The following THSD7A variants were observed in gnomAD, a reference collection of about 807,000 sequenced individuals.
The protein encoded by THSD7A is thrombospondin type 1 domain containing 7A, also known as thrombospondin type-1 domain-containing protein 7A.
A neutral mutation model predicts 231.3 loss-of-function variants in THSD7A; 96 were observed. That is an observed-to-expected ratio of 0.41 (90% confidence interval 0.35 to 0.49). THSD7A has a LOEUF of 0.49. THSD7A is among the 20% of genes least tolerant of loss of function. The probability of loss-of-function intolerance (pLI) is 0.05; values close to 1 mark genes in which losing one functional copy is unlikely to be tolerated. For synonymous variants in THSD7A, 940 were observed against 743.3 expected (o/e 1.26, Z -4.30); for missense variants, 2,290 against 2,070.2 (o/e 1.11, Z -2.06).
chr7:11,825,545 C>G (rs144448546), intron 1 of THSD7A, among the ~76,000 whole-genome samples: 22 of 152,198 alleles, frequency 1.4e-4, no homozygotes, highest in Admixed American at 1.1e-3. Context: ...AGGTCATAAA[C>G]TTAAATAGTT....
At chr7:11,558,260 G>C (rs1467389065) in intron 4 of THSD7A, among the ~76,000 whole-genome samples, 3 of 151,950 alleles carry the variant, frequency 2.0e-5, no homozygotes, top group Admixed American at 2.0e-4. Flanking sequence ...CAACTTCCAG[G>C]GAATATTTTT....
intron 6 of THSD7A, among the ~76,000 whole-genome samples, chr7:11,503,580 A>G (rs890531448): frequency 2.0e-5 from 3 of 151,836 alleles, no homozygotes; most frequent in Non-Finnish European, 4.4e-5. Context: ...TCTAAAATCC[A>G]GCATCTATAA....
At chr7:11,639,993 G>C (rs545259778) in intron 1 of THSD7A, among the ~76,000 whole-genome samples, 2 of 152,162 alleles carry the variant, frequency 1.3e-5, no homozygotes, top group Admixed American at 6.5e-5. Context: ...AAAAGTAGAA[G>C]ATGGTTGCTT....
At chr7:11,551,378 G>A (rs1789619975) in intron 4 of THSD7A, among the ~76,000 whole-genome samples, 1 of 152,054 alleles carries the variant, frequency 6.6e-6, no homozygotes, top group Admixed American at 6.6e-5. Flanking sequence ...CTTCTGCACA[G>A]CAAAAGAAAC....
chr7:11,592,590 A>G (rs916327972), intron 3 of THSD7A, among the ~76,000 whole-genome samples: 8 of 152,240 alleles, frequency 5.3e-5, no homozygotes, highest in Non-Finnish European at 8.8e-5. Context: ...CATATTTTGT[A>G]CCAGGTATTG....
chr7:11,680,950 C>G (rs1374864009), intron 1 of THSD7A, among the ~76,000 whole-genome samples: 1 of 152,036 alleles, frequency 6.6e-6, no homozygotes. Flanking sequence ...TGGAACGAAC[C>G]CAAATGCCCA....
intron 1 of THSD7A, among the ~76,000 whole-genome samples, chr7:11,697,800 A>G (rs1201565584): frequency 1.1e-4 from 17 of 151,426 alleles, no homozygotes; most frequent in Admixed American, 1.1e-3. Flanking sequence ...GAACCTGTCC[A>G]TACTGAATGT....
intron 4 of THSD7A, among the ~76,000 whole-genome samples, chr7:11,587,260 T>C (rs929927221): frequency 2.6e-5 from 4 of 152,170 alleles, no homozygotes; most frequent in African/African-American, 9.7e-5. Context: ...TAAGGGTAGA[T>C]TTCACGCCAG....
chr7:11,598,438 C>CG (rs1780442733), intron 2 of THSD7A, among the ~76,000 whole-genome samples: 1 of 152,160 alleles, frequency 6.6e-6, no homozygotes. Context: ...CCTGTCATCG[C>CG]CCAGTGGGCC....
chr7:11,674,314 T>C (rs2128379937), intron 1 of THSD7A, among the ~76,000 whole-genome samples: 1 of 152,036 alleles, frequency 6.6e-6, no homozygotes, highest in South Asian at 2.1e-4. Context: ...CTAGTTGGGG[T>C]AAGTAAGCTG....
At chr7:11,643,248 G>T (rs920940396) in intron 1 of THSD7A, among the ~76,000 whole-genome samples, 4 of 151,986 alleles carry the variant, frequency 2.6e-5, no homozygotes, top group African/African-American at 7.2e-5. Flanking sequence ...TACATAAACA[G>T]CTTAGTAATA....
intron 4 of THSD7A, among the ~76,000 whole-genome samples, chr7:11,548,098 T>C (rs976159572): frequency 3.3e-5 from 5 of 151,810 alleles, no homozygotes; most frequent in African/African-American, 4.8e-5. Flanking sequence ...ATAAATAAGA[T>C]TGATAGATTG....
intron 1 of THSD7A, among the ~76,000 whole-genome samples, chr7:11,675,894 A>G (rs886732856): frequency 2.6e-5 from 4 of 152,206 alleles, no homozygotes; most frequent in African/African-American, 7.2e-5. Flanking sequence ...TGGATCTCCC[A>G]GCACAGCGCT....
intron 1 of THSD7A, among the ~76,000 whole-genome samples, chr7:11,699,754 G>A (rs527456629): frequency 2.0e-5 from 3 of 151,116 alleles, no homozygotes; most frequent in African/African-American, 4.8e-5. Context: ...TGAAATCTTC[G>A]GCTTTCCACC....
intron 4 of THSD7A, among the ~76,000 whole-genome samples, chr7:11,566,708 G>C (rs1361125294): frequency 6.6e-6 from 1 of 152,022 alleles, no homozygotes; most frequent in African/African-American, 2.4e-5. Context: ...GGATATTTCA[G>C]AAAGTCTATG....
chr7:11,564,001 C>G (rs1359865869), intron 4 of THSD7A, among the ~76,000 whole-genome samples: 1 of 152,122 alleles, frequency 6.6e-6, no homozygotes, highest in Non-Finnish European at 1.5e-5. Context: ...CGGTCACTGT[C>G]TTTGGAATTA....
rs148485872 is a variant in THSD7A at position 11,415,499 on chromosome 7, G to C, written c.3537+1951C>G. Among the ~76,000 whole-genome samples, 33 of 152,152 alleles carry C rather than the reference G, an allele frequency of 2.2e-4. No homozygotes were observed. The East Asian group carries it at 5.2e-3, about 24-fold the overall frequency. On this transcript the variant is annotated intron_variant, in intron 17 of 27. Coordinates refer to ENST00000423059, the MANE Select transcript of THSD7A (RefSeq NM_015204.3). The stretch of plus-strand genomic sequence containing the variant: ...TATCAATCACAAGCTTATTTTCCCA[G>C]GTTCAGAACAAAAACAAGAGGAGAT...
chr7:11,804,881 T>C (rs1203256758), intron 1 of THSD7A, among the ~76,000 whole-genome samples: 1 of 152,194 alleles, frequency 6.6e-6, no homozygotes, highest in Non-Finnish European at 1.5e-5. Context: ...AACTGGTATG[T>C]TGGAAAAGTA....
intron 2 of THSD7A, among the ~76,000 whole-genome samples, chr7:11,597,952 T>C (rs1005216950): frequency 1.3e-5 from 2 of 152,024 alleles, no homozygotes; most frequent in South Asian, 4.2e-4. Context: ...CTATGATCAG[T>C]TGACAGAGGA....
Sources: gnomAD v4.1 joint callset for allele counts (sites outside exome capture counted in the v4.1 genomes callset) on GRCh38, gnomAD v4.1.1 for gene constraint, MANE v1.5 for transcripts, NCBI Gene and HGNC (gene_info 2026-07-23, HGNC 2026-07-21) for gene names.